TRPM7: variants seen among roughly 807,000 people sequenced by gnomAD.
TRPM7 encodes transient receptor potential cation channel subfamily M member 7.
In TRPM7, 134 loss-of-function variants were observed where a neutral mutation model predicts 229.7. The observed-to-expected ratio is 0.58, with a 90% CI of 0.51 to 0.67. TRPM7 has a LOEUF of 0.67. TRPM7 is among the 30% of genes least tolerant of loss of function. The pLI, the probability that TRPM7 is intolerant of heterozygous loss-of-function variation, is 0.00. For synonymous variants in TRPM7, 699 were observed against 715.2 expected, an observed-to-expected ratio of 0.98 and a Z score of 0.36; for missense variants, 1,901 against 2,210.0, an observed-to-expected ratio of 0.86 and a Z score of 2.80.
intron 4 of TRPM7, among the ~76,000 whole-genome samples, chr15:50,645,673 A>G (rs2061242122): frequency 6.6e-6 from 1 of 152,128 alleles, no homozygotes; most frequent in South Asian, 2.1e-4. Context: ...AGTTTTGTTT[A>G]ACTCATTATT....
Position 50,598,585 on chromosome 15 carries a change from T to C in TRPM7, c.3163+537A>G, listed in dbSNP as rs2059692011. On this transcript the variant is annotated intron_variant, in intron 22 of 38. Transcript: ENST00000646667. The stretch of plus-strand genomic sequence containing the variant: ...GAATGATCTACGCTAATCATGGTAA[T>C]CCCATCCCCCTTGTCTGTAACCATT... 3.3e-5 allele frequency among the ~76,000 whole-genome samples: 5 copies of C among 152,242 alleles called. No homozygotes were observed. In the South Asian group the frequency reaches 1.0e-3, roughly 31 times the overall value.
intron 27 of TRPM7, among the ~76,000 whole-genome samples, chr15:50,589,017 G>T (rs1360333466): frequency 6.6e-6 from 1 of 151,998 alleles, no homozygotes; most frequent in Non-Finnish European, 1.5e-5. Flanking sequence ...ATGGGGAGAA[G>T]AAATTTTTAA....
rs772957163 is a variant in TRPM7 at position 50,596,373 on chromosome 15, T to G, written c.3172A>C (p.Asn1058His). The G allele has an allele frequency of 6.3e-7, 1 of 1,583,838 alleles. No homozygotes were observed. The highest frequency in any genetic ancestry group is 1.2e-5 in the South Asian group (1 of 84,954). ...VYAYEIDVCA[N>H]DSVIPQICGP... ...CAGATTTGAGGGATAACAGAATCATTTGCACACACTTTAGAGAGAAAAAAA... is the reference window on the plus strand; with the variant it reads ...CAGATTTGAGGGATAACAGAATCATGTGCACACACTTTAGAGAGAAAAAAA... Residue 1058 changes from asparagine (N) to histidine (H), a missense_variant, in exon 23 of 39, where the codon AAT (asparagine) becomes CAT (histidine). Asn to His is a moderately conservative substitution (Grantham distance 68). This residue lies in a region of TRPM7 where 89 missense variants were observed against 178.2 expected (regional missense o/e 0.50). Coordinates refer to ENST00000646667, the MANE Select transcript of TRPM7 (RefSeq NM_017672.6).
intron 1 of TRPM7, among the ~76,000 whole-genome samples, chr15:50,673,633 C>T (rs904998435): frequency 5.4e-5 from 8 of 147,804 alleles, no homozygotes; most frequent in Admixed American, 2.0e-4. Flanking sequence ...AGTATTCCCT[C>T]GTATATATAT....
intron 38 of TRPM7, among the ~76,000 whole-genome samples, chr15:50,563,229 T>C (rs2053408777): frequency 6.6e-6 from 1 of 152,260 alleles, no homozygotes; most frequent in Non-Finnish European, 1.5e-5. Flanking sequence ...TAGAACTGTG[T>C]AGCTGGGACA....
At chr15:50,583,921 C>T (rs1296391148) in intron 28 of TRPM7, among the ~76,000 whole-genome samples, 2 of 152,106 alleles carry the variant, frequency 1.3e-5, no homozygotes, top group Admixed American at 6.6e-5. Flanking sequence ...AATTATCTTT[C>T]GATGCTCTCT....
In TRPM7 at chr15:50,575,716, G is replaced by A; in HGVS notation, c.4735+8C>T. ...TCACTTATTTATTTCTTTAATTTTT[G>A]GATTTACCTCTTGGAGGCACAGGTG... On this transcript the variant is annotated splice_region_variant and intron_variant, in intron 33 of 38. Coordinates refer to ENST00000646667, the MANE Select transcript of TRPM7 (RefSeq NM_017672.6). 2 of 1,605,404 alleles carry A rather than the reference G, an allele frequency of 1.2e-6. No homozygotes were observed. The highest frequency in any genetic ancestry group is 1.7e-6 in the Non-Finnish European group (2 of 1,176,590).
At chr15:50,637,305 T>C in intron 7 of TRPM7, 117 bp downstream of exon 7, 5 of 924,742 alleles carry the variant, frequency 5.4e-6, no homozygotes, top group Non-Finnish European at 8.1e-6. Flanking sequence ...GGTTGTTTCA[T>C]ATGTTATCTT....
intron 10 of TRPM7, among the ~76,000 whole-genome samples, chr15:50,628,564 C>T (rs1176885670): frequency 6.6e-6 from 1 of 152,106 alleles, no homozygotes; most frequent in Non-Finnish European, 1.5e-5. Context: ...CTTCGGCCTC[C>T]CAGTGTGCTA....
intron 26 of TRPM7, 112 bp from the exon 27 acceptor site, chr15:50,589,768 A>G (rs890401138): frequency 1.5e-6 from 1 of 648,362 alleles, no homozygotes; most frequent in Non-Finnish European, 2.6e-6. Flanking sequence ...TTTCAAGTAC[A>G]CTTGATGGCT....
At chr15:50,570,292 G>C in intron 36 of TRPM7, 137 bp from the exon 37 acceptor site, 2 of 624,802 alleles carry the variant, frequency 3.2e-6, no homozygotes, top group South Asian at 3.1e-5. Context: ...ATTCAAAGGA[G>C]TGTAGTTCTT....
intron 30 of TRPM7, among the ~76,000 whole-genome samples, chr15:50,579,921 G>A (rs891757998): frequency 6.6e-6 from 1 of 152,150 alleles, no homozygotes; most frequent in African/African-American, 2.4e-5. Flanking sequence ...TGAGTAGCTA[G>A]GACCACAAGC....
chr15:50,573,145 C>T (rs578039424), intron 36 of TRPM7, among the ~76,000 whole-genome samples: 11 of 152,130 alleles, frequency 7.2e-5, no homozygotes, highest in African/African-American at 2.4e-4. Flanking sequence ...AGCAATTTTT[C>T]CCTCTATAGA....
chr15:50,666,845 G>A (rs1287491600), intron 1 of TRPM7, among the ~76,000 whole-genome samples: 1 of 152,094 alleles, frequency 6.6e-6, no homozygotes, highest in Non-Finnish European at 1.5e-5. Flanking sequence ...ACAAGTAATA[G>A]TAAGACTGAA....
rs2059345967 is a variant in TRPM7 at position 50,586,455 on chromosome 15, C to G, written c.4423G>C (p.Val1475Leu). The change falls in exon 28 of 39, where the codon GTG (valine) becomes CTG (leucine). Residue 1475 changes from valine to leucine, a missense_variant. Val to Leu is a conservative substitution (Grantham distance 32, BLOSUM62 1). This residue lies in a region of TRPM7 where 533 missense variants were observed against 497.1 expected (regional missense o/e 1.07). Coordinates refer to ENST00000646667, the MANE Select transcript of TRPM7 (RefSeq NM_017672.6). ...NNTSENTLKR[V>L]SSLAGFTDCH... Reference sequence around the variant, plus strand: ...TCAGTAAATCCAGCAAGAGAACTCACTCGTTTCAAAGTGTTTTCAGAAGTA... The same window carrying G: ...TCAGTAAATCCAGCAAGAGAACTCAGTCGTTTCAAAGTGTTTTCAGAAGTA... The G allele has an allele frequency of 6.2e-7, 1 of 1,613,264 alleles. No individual in the cohort carries two copies. The highest frequency in any genetic ancestry group is 8.5e-7 in the Non-Finnish European group (1 of 1,179,386).
chr15:50,634,828 G>A (rs548381538), intron 7 of TRPM7, among the ~76,000 whole-genome samples: 7 of 152,090 alleles, frequency 4.6e-5, no homozygotes, highest in Admixed American at 2.0e-4. Flanking sequence ...ATATATAATA[G>A]ACAGCAAATA....
chr15:50,596,791 C>T (rs1485303649), intron 22 of TRPM7, among the ~76,000 whole-genome samples: 1 of 152,198 alleles, frequency 6.6e-6, no homozygotes. Flanking sequence ...TGCTCTGTCA[C>T]CCAGGCTGGA....
intron 12 of TRPM7, among the ~76,000 whole-genome samples, chr15:50,620,885 T>C (rs1367663053): frequency 1.3e-5 from 2 of 150,106 alleles, no homozygotes; most frequent in Non-Finnish European, 2.9e-5. Context: ...TAAGCCGAGA[T>C]CGCGTCATTG....
intron 22 of TRPM7, among the ~76,000 whole-genome samples, chr15:50,597,701 A>G (rs2059668990): frequency 6.6e-6 from 1 of 152,184 alleles, no homozygotes; most frequent in Admixed American, 6.5e-5. Context: ...ACTTGAGGTC[A>G]GGAGTTCAAG....
Sources: allele counts gnomAD v4.1 joint callset (sites outside exome capture counted in the v4.1 genomes callset), GRCh38; gene constraint gnomAD v4.1.1; regional missense constraint gnomAD v4.1.1; transcripts MANE v1.5; gene names NCBI Gene and HGNC (gene_info 2026-07-23, HGNC 2026-07-21).